CLDN16: variants seen among roughly 807,000 people sequenced by gnomAD.
The protein encoded by CLDN16 is claudin 16.
In CLDN16, 13 loss-of-function variants were observed where a neutral mutation model predicts 24.6. The observed-to-expected ratio is 0.53, with a 90% CI of 0.34 to 0.84. The LOEUF is 0.84. Among genes scored for constraint, CLDN16 ranks in the 40% least tolerant of loss-of-function variants. The pLI is 0.01. For synonymous variants in CLDN16, 116 were observed against 106.7 expected (o/e 1.09, Z -0.54); for missense variants, 298 against 292.7 (o/e 1.02, Z -0.13).
the CLDN16 span, among the ~76,000 whole-genome samples, chr3:190,296,046 C>T: frequency 1.3e-5 from 2 of 152,054 alleles, no homozygotes; most frequent in Non-Finnish European, 2.9e-5. Context: ...AATGGAGCCT[C>T]ATTGATCTGA....
At chr3:190,361,743 G>A (rs1717891031) in intron 1 of CLDN16, among the ~76,000 whole-genome samples, 1 of 151,722 alleles carries the variant, frequency 6.6e-6, no homozygotes, top group South Asian at 2.1e-4. Context: ...ACAAAGAGCA[G>A]CCTGAAAAAT....
chr3:190,297,181 T>C, the CLDN16 span, among the ~76,000 whole-genome samples: 1 of 148,094 alleles, frequency 6.8e-6, no homozygotes, highest in Non-Finnish European at 1.5e-5. Flanking sequence ...CTTCCAGTCT[T>C]ATGAAGAACT....
intron 1 of CLDN16, among the ~76,000 whole-genome samples, chr3:190,327,045 T>G (rs924268291): frequency 6.6e-6 from 1 of 152,028 alleles, no homozygotes; most frequent in African/African-American, 2.4e-5. Context: ...TGTGTGTCTG[T>G]GGAGAGAGAG....
intron 2 of CLDN16, among the ~76,000 whole-genome samples, chr3:190,373,235 G>A (rs1276154656): frequency 9.0e-6 from 1 of 110,774 alleles, no homozygotes; most frequent in African/African-American, 3.3e-5. Context: ...TGTTTCAGCA[G>A]GGGTTGCAGG....
chr3:190,375,275 A>C (rs1352065117), intron 3 of CLDN16, among the ~76,000 whole-genome samples: 1 of 151,972 alleles, frequency 6.6e-6, no homozygotes, highest in East Asian at 1.9e-4. Context: ...TTAACTGACC[A>C]AGGGGATTTA....
intron 1 of CLDN16, among the ~76,000 whole-genome samples, chr3:190,328,007 T>G (rs1236392884): frequency 6.6e-6 from 1 of 151,800 alleles, no homozygotes; most frequent in African/African-American, 2.4e-5. Context: ...TTTGGACAGG[T>G]GTGGTGGCTC....
intron 1 of CLDN16, among the ~76,000 whole-genome samples, chr3:190,344,098 AT>A (rs1409072226): frequency 2.0e-5 from 3 of 151,986 alleles, no homozygotes; most frequent in Non-Finnish European, 4.4e-5. Context: ...TGCACAATAC[AT>A]TTTTTAATGA....
chr3:190,313,041 C>A, the CLDN16 span: 2 of 1,614,060 alleles, frequency 1.2e-6, no homozygotes, highest in Non-Finnish European at 1.7e-6. Flanking sequence ...ATGTGCCTGG[C>A]AGAAAACATT....
At chr3:190,303,457 A>C in the CLDN16 span, among the ~76,000 whole-genome samples, 1 of 152,210 alleles carries the variant, frequency 6.6e-6, no homozygotes, top group Non-Finnish European at 1.5e-5. Flanking sequence ...ACAGTTTTCA[A>C]ACTTTATCTT....
chr3:190,402,107 C>A (rs1055827835), intron 1 of CLDN16, among the ~76,000 whole-genome samples: 2 of 152,104 alleles, frequency 1.3e-5, no homozygotes, highest in Admixed American at 6.5e-5. Flanking sequence ...TTTCTCTACC[C>A]CCACCCTTCA....
chr3:190,390,733 G>A (rs771102220), intron 1 of CLDN16, among the ~76,000 whole-genome samples: 6 of 151,974 alleles, frequency 3.9e-5, no homozygotes, highest in South Asian at 2.1e-4. Flanking sequence ...TTTTCTTGCC[G>A]CCATCCTCAT....
At chr3:190,363,586 A>ATATG (rs1717953038) in intron 1 of CLDN16, among the ~76,000 whole-genome samples, 2 of 132,992 alleles carry the variant, frequency 1.5e-5, no homozygotes, top group African/African-American at 5.8e-5. Context: ...ATATATATAT[A>ATATG]TATATATATA....
At chr3:190,304,473 A>G in the CLDN16 span, among the ~76,000 whole-genome samples, 2 of 152,182 alleles carry the variant, frequency 1.3e-5, no homozygotes, top group African/African-American at 2.4e-5. Flanking sequence ...GCTGATAATG[A>G]CCATATTGGA....
chr3:190,319,042 A>G (rs574563659), upstream of CLDN16, among the ~76,000 whole-genome samples: 4 of 152,182 alleles, frequency 2.6e-5, no homozygotes, highest in South Asian at 4.2e-4. Flanking sequence ...CTTCCCTACA[A>G]CATTCCTTCA....
chr3:190,318,543 G>T (rs76715059), upstream of CLDN16, among the ~76,000 whole-genome samples: 2 of 152,230 alleles, frequency 1.3e-5, no homozygotes, highest in East Asian at 3.9e-4. Flanking sequence ...TATTTTATAA[G>T]TGGGGTAACT....
intron 1 of CLDN16, among the ~76,000 whole-genome samples, chr3:190,392,335 A>C (rs1489091200): frequency 5.5e-5 from 8 of 144,910 alleles, no homozygotes; most frequent in African/African-American, 2.1e-4. Context: ...TCCCTCCTAT[A>C]TCCTTCTTTT....
chr3:190,317,776 G>T (rs1225067450), upstream of CLDN16, among the ~76,000 whole-genome samples: 1 of 152,152 alleles, frequency 6.6e-6, no homozygotes, highest in Non-Finnish European at 1.5e-5. Flanking sequence ...CTCCCTACAT[G>T]CAGGCTTTGG....
chr3:190,388,233 C>T lies in CLDN16; in HGVS notation c.-97C>T, dbSNP rs751220222. 1.2e-6 allele frequency: 2 copies of T among 1,614,030 alleles called. No individual in the cohort carries two copies. Among genetic ancestry groups the T allele is most frequent in the Non-Finnish European group, 1.7e-6 (2 of 1,179,982 alleles). On this transcript the variant is annotated 5_prime_UTR_variant, in exon 1 of 5. Coordinates refer to ENST00000264734, the MANE Select transcript of CLDN16 (RefSeq NM_006580.4). ...GTAAAAGACCAGTATTTTCACATTG[C>T]CAGGTACCAGAAACACAGAAGACTG...
intron 1 of CLDN16, among the ~76,000 whole-genome samples, chr3:190,393,111 C>A (rs1577424202): frequency 1.3e-5 from 2 of 152,164 alleles, no homozygotes; most frequent in Admixed American, 1.3e-4. Flanking sequence ...TAATTGACTG[C>A]ATGTGGGGAA....
Sources: allele counts gnomAD v4.1 joint callset (sites outside exome capture counted in the v4.1 genomes callset), GRCh38; gene constraint gnomAD v4.1.1; transcripts MANE v1.5; gene names NCBI Gene and HGNC (gene_info 2026-07-23, HGNC 2026-07-21).